Variants in OCA2 observed in about 807,000 individuals in gnomAD.
OCA2 encodes the protein OCA2 melanosomal transmembrane protein.
A neutral mutation model predicts 100.2 loss-of-function variants in OCA2; 77 were observed. That is an observed-to-expected ratio of 0.77 (90% confidence interval 0.64 to 0.93). The LOEUF (loss-of-function observed/expected upper bound fraction) is 0.93. Among genes scored for constraint, OCA2 ranks in the 40% least tolerant of loss-of-function variants. The pLI is 0.00. For synonymous variants in OCA2, 432 were observed against 439.2 expected, an observed-to-expected ratio of 0.98 and a Z score of 0.21; for missense variants, 1,062 against 1,089.1, an observed-to-expected ratio of 0.98 and a Z score of 0.35.
chr15:27,978,239 A>G (rs2041032249), intron 14 of OCA2, among the ~76,000 whole-genome samples: 1 of 152,206 alleles, frequency 6.6e-6, no homozygotes, highest in South Asian at 2.1e-4. Context: ...TAATGTTTCA[A>G]GTGCAGTTGG....
At chr15:27,984,493 G>A (rs1183849567) in intron 13 of OCA2, among the ~76,000 whole-genome samples, 1 of 152,224 alleles carries the variant, frequency 6.6e-6, no homozygotes, top group Non-Finnish European at 1.5e-5. Flanking sequence ...TGGTGATGGA[G>A]AAGAACATGG....
intron 9 of OCA2, among the ~76,000 whole-genome samples, chr15:28,004,675 A>T (rs937282105): frequency 6.6e-6 from 1 of 151,762 alleles, no homozygotes; most frequent in Admixed American, 6.6e-5. Context: ...CCCACACACT[A>T]ACAGTCTCAC....
chr15:28,070,710 T>A (rs1361591891), intron 2 of OCA2, among the ~76,000 whole-genome samples: 1 of 149,050 alleles, frequency 6.7e-6, no homozygotes, highest in Non-Finnish European at 1.5e-5. Context: ...GGCGGCTTTG[T>A]GGAATAGAAA....
At chr15:27,765,084 G>C (rs1373034267) in intron 23 of OCA2, among the ~76,000 whole-genome samples, 1 of 152,138 alleles carries the variant, frequency 6.6e-6, no homozygotes, top group Non-Finnish European at 1.5e-5. Context: ...TGTTGCCATG[G>C]CATTTGTGAA....
intron 18 of OCA2, among the ~76,000 whole-genome samples, chr15:27,941,924 T>A (rs978573010): frequency 2.6e-5 from 4 of 152,162 alleles, no homozygotes; most frequent in Non-Finnish European, 5.9e-5. Context: ...ATGTCATTCA[T>A]CACTAGGAAA....
At chr15:27,779,437 G>C (rs1323074860) in intron 23 of OCA2, among the ~76,000 whole-genome samples, 1 of 152,118 alleles carries the variant, frequency 6.6e-6, no homozygotes, top group African/African-American at 2.4e-5. Context: ...ATATTTAGGT[G>C]CTCTAATGTT....
the OCA2 span, among the ~76,000 whole-genome samples, chr15:27,743,011 G>A: frequency 6.6e-6 from 1 of 152,200 alleles, no homozygotes; most frequent in African/African-American, 2.4e-5. Flanking sequence ...ATTTATCCAT[G>A]GCATAAAATG....
At chr15:27,893,909 A>G (rs2037574250) in intron 19 of OCA2, among the ~76,000 whole-genome samples, 1 of 151,860 alleles carries the variant, frequency 6.6e-6, no homozygotes, top group African/African-American at 2.4e-5. Flanking sequence ...GAAGCATGTG[A>G]TCTTTGTTAG....
intron 19 of OCA2, among the ~76,000 whole-genome samples, chr15:27,886,709 G>A (rs1358065559): frequency 6.6e-6 from 1 of 152,100 alleles, no homozygotes; most frequent in African/African-American, 2.4e-5. Flanking sequence ...AAAACAAAAT[G>A]ACAGAGATTA....
At chr15:28,051,882 G>A (rs553307701) in intron 2 of OCA2, among the ~76,000 whole-genome samples, 3 of 152,064 alleles carry the variant, frequency 2.0e-5, no homozygotes, top group Non-Finnish European at 4.4e-5. Flanking sequence ...ATAGCCTTGT[G>A]CCCTGTAGCA....
At chr15:27,803,962 C>T (rs1297823373) in intron 23 of OCA2, among the ~76,000 whole-genome samples, 1 of 152,178 alleles carries the variant, frequency 6.6e-6, no homozygotes, top group African/African-American at 2.4e-5. Flanking sequence ...ACTCATTCCA[C>T]TGGGTAGAAG....
intron 13 of OCA2, among the ~76,000 whole-genome samples, chr15:27,983,919 C>T (rs1348199412): frequency 6.6e-6 from 1 of 151,758 alleles, no homozygotes; most frequent in East Asian, 1.9e-4. Context: ...GCTCTCTTCT[C>T]ACCCCCTCCC....
intron 17 of OCA2, among the ~76,000 whole-genome samples, chr15:27,954,295 A>G (rs1295202909): frequency 6.6e-6 from 1 of 152,144 alleles, no homozygotes; most frequent in Non-Finnish European, 1.5e-5. Context: ...TGACTAAAAC[A>G]CCACAGTCTA....
Position 27,972,407 on chromosome 15 carries a change from T to G in OCA2, c.1504-5585A>C, listed in dbSNP as rs143819743. 8.5e-5 allele frequency among the ~76,000 whole-genome samples: 13 copies of G among 152,366 alleles called. No homozygotes were observed. In the East Asian group the frequency reaches 2.5e-3, roughly 29 times the overall value. The stretch of plus-strand genomic sequence containing the variant: ...ATTGAATGGTAGATATACTTTTAGT[T>G]CATTGAGAAATCTCCACAGTATTTT... On this transcript the variant is annotated intron_variant, in intron 14 of 23. Transcript: ENST00000354638.
At chr15:27,844,359 C>A (rs944933567) in intron 23 of OCA2, among the ~76,000 whole-genome samples, 1 of 152,202 alleles carries the variant, frequency 6.6e-6, no homozygotes, top group South Asian at 2.1e-4. Context: ...GCACCGTCTT[C>A]GTGGACAGTC....
At chr15:28,097,266 C>T (rs1202305885) in intron 1 of OCA2, among the ~76,000 whole-genome samples, 1 of 152,212 alleles carries the variant, frequency 6.6e-6, no homozygotes, top group Admixed American at 6.5e-5. Context: ...CGCGGGTGGC[C>T]GGCGCAAGAG....
In OCA2 at chr15:27,766,273, A is replaced by G. The variant is rs562679857; in HGVS notation, c.2433-10801T>C. On this transcript the variant is annotated intron_variant, in intron 23 of 23. Transcript: ENST00000354638. ...AGTCAACATAACATTTTGATGGAATAGTTGACATTTTTTAAATAAAAAAAT... is the reference window on the plus strand; with the variant it reads ...AGTCAACATAACATTTTGATGGAATGGTTGACATTTTTTAAATAAAAAAAT... Among the ~76,000 whole-genome samples, 219 of 152,342 alleles carry G rather than the reference A, an allele frequency of 1.4e-3. 2 individuals carry two copies. The highest frequency in any genetic ancestry group is 2.4e-3 in the Non-Finnish European group (161 of 68,034).
At chr15:27,841,716 T>C (rs1213460839) in intron 23 of OCA2, among the ~76,000 whole-genome samples, 2 of 152,178 alleles carry the variant, frequency 1.3e-5, no homozygotes, top group African/African-American at 2.4e-5. Flanking sequence ...GGAAAATTCA[T>C]CTCTCAAGAG....
intron 18 of OCA2, among the ~76,000 whole-genome samples, chr15:27,934,924 G>T (rs2140445955): frequency 6.6e-6 from 1 of 152,238 alleles, no homozygotes; most frequent in Non-Finnish European, 1.5e-5. Context: ...CACTAATCAG[G>T]CTGCCGGTGC....
Sources: allele counts gnomAD v4.1 joint callset (sites outside exome capture counted in the v4.1 genomes callset), GRCh38; gene constraint gnomAD v4.1.1; transcripts MANE v1.5; gene names NCBI Gene and HGNC (gene_info 2026-07-23, HGNC 2026-07-21).